Variants in TBRG1 observed in about 807,000 individuals in gnomAD.
The protein encoded by TBRG1 is nuclear interactor of ARF and MDM2.
A neutral mutation model predicts 44.0 loss-of-function variants in TBRG1; 31 were observed. The ratio of observed to expected loss-of-function variants is 0.70; its 90% CI spans 0.53 to 0.95. The LOEUF is 0.95. Ranked by LOEUF, TBRG1 falls within the 40% of genes least tolerant of loss-of-function variation. The pLI is 0.00. For missense variants in TBRG1, 487 were observed against 496.1 expected (o/e 0.98, Z 0.18); for synonymous variants, 171 against 188.1 (o/e 0.91, Z 0.74).
intron 3 of TBRG1, 62 bp downstream of exon 3, chr11:124,625,965 G>T: frequency 6.8e-7 from 1 of 1,468,950 alleles, no homozygotes; most frequent in East Asian, 2.4e-5. Context: ...AGTTAGACCT[G>T]GTACTAACTG....
chr11:124,627,855 G>A (rs988930780), intron 5 of TBRG1, among the ~76,000 whole-genome samples: 8 of 151,798 alleles, frequency 5.3e-5, no homozygotes, highest in African/African-American at 1.9e-4. Context: ...TAAATGCAAT[G>A]CAAATCTAAT....
Position 124,622,876 on chromosome 11 carries a change from G to A in TBRG1, c.-208G>A, listed in dbSNP as rs1021725016. 8.2e-5 allele frequency: 46 copies of A among 557,870 alleles called. No individual in the cohort carries two copies. The highest frequency in any genetic ancestry group is 9.3e-4 in the Middle Eastern group (2 of 2,144). The allele number at this position is 557,870 out of a possible 1,614,324, so 34.6% of individuals were successfully genotyped here. A position where few individuals can be genotyped will look rare whatever the true frequency, so the allele number is the denominator to read the frequency against. On this transcript the variant is annotated 5_prime_UTR_variant, in exon 1 of 9. Transcript: ENST00000441174. ...CCGGGAAGGGCTTACTTCCAAGACAGACACGGAAGTGCTGGGAGGCGCCGG... is the reference window on the plus strand; with the variant it reads ...CCGGGAAGGGCTTACTTCCAAGACAAACACGGAAGTGCTGGGAGGCGCCGG...
intron 5 of TBRG1, among the ~76,000 whole-genome samples, chr11:124,627,715 A>G (rs1354091890): frequency 6.6e-6 from 1 of 152,112 alleles, no homozygotes; most frequent in African/African-American, 2.4e-5. Flanking sequence ...GACTTCTTAT[A>G]GATAATATTG....
At position 124,623,059 on chromosome 11, in the gene TBRG1, G is replaced by C. The variant is rs1177140047; in HGVS notation, c.-25G>C. 1 of 1,524,484 alleles carries C rather than the reference G, an allele frequency of 6.6e-7. No individual in the cohort carries two copies. The highest frequency in any genetic ancestry group is 1.4e-5 in the African/African-American group (1 of 72,158). 94.4% of individuals were successfully genotyped at this position (1,524,484 alleles called of 1,614,324 possible). Reference sequence around the variant, plus strand: ...TAGGATCCGATGCCGGCAGCGTCCTGGGGCCCCCGTAGCGGGGCTGGACCA... The same window carrying C: ...TAGGATCCGATGCCGGCAGCGTCCTCGGGCCCCCGTAGCGGGGCTGGACCA... On this transcript the variant is annotated 5_prime_UTR_variant, in exon 1 of 9. Coordinates refer to ENST00000441174, the MANE Select transcript of TBRG1 (RefSeq NM_032811.3).
At chr11:124,630,986 A>G in intron 7 of TBRG1, 131 bp downstream of exon 7, 1 of 727,776 alleles carries the variant, frequency 1.4e-6, no homozygotes, top group Non-Finnish European at 2.3e-6. Flanking sequence ...AGGGCTCAGT[A>G]TTGGCCCCCT....
Position 124,623,229 on chromosome 11 carries a change from T to C in TBRG1, c.146T>C (p.Val49Ala). 6.4e-7 allele frequency: 1 copy of C among 1,551,458 alleles called. No individual in the cohort carries two copies. The highest frequency in any genetic ancestry group is 8.7e-7 in the Non-Finnish European group (1 of 1,147,006). The change falls in exon 1 of 9, where the codon GTG (valine) becomes GCG (alanine). Residue 49 changes from valine (V) to alanine (A), a missense_variant. Transcript: ENST00000441174. ...LRLRKAAKAT[V>A]FENAAICDEI... Reference sequence around the variant, plus strand: ...CTGCGCAAAGCGGCCAAGGCCACGGTGTTTGTGAGTCTGACCCACGTTCAG... The same window carrying C: ...CTGCGCAAAGCGGCCAAGGCCACGGCGTTTGTGAGTCTGACCCACGTTCAG...
chr11:124,623,558 A>G, intron 1 of TBRG1: 1 of 396,100 alleles, frequency 2.5e-6, no homozygotes, highest in Non-Finnish European at 4.8e-6. Flanking sequence ...CTCGAGATAC[A>G]GCCCTGAGAA....
rs1000719933 is a variant in TBRG1, at chr11:124,632,927, C to G, written c.*689C>G. 2.0e-5 allele frequency: 3 copies of G among 152,194 alleles called. No homozygotes were observed. The highest frequency in any genetic ancestry group is 4.4e-5 in the Non-Finnish European group (3 of 68,022). The allele number at this position is 152,194 out of a possible 1,614,324, so 9.4% of individuals were successfully genotyped here. On this transcript the variant is annotated 3_prime_UTR_variant, in exon 9 of 9. Transcript: ENST00000441174. ...AACGAGGGAGATAGGGAGATTCTGA[C>G]AAACTTCTACTCTTGATTGTGATCC...
rs1942717193 is a variant in TBRG1 at position 124,635,720 on chromosome 11, C to T, written c.*3482C>T. 6.6e-6 allele frequency: 1 copy of T among 152,148 alleles called. No homozygotes were observed. The highest frequency in any genetic ancestry group is 2.4e-5 in the African/African-American group (1 of 41,412). 9.4% of individuals were successfully genotyped at this position (152,148 alleles called of 1,614,324 possible). On this transcript the variant is annotated 3_prime_UTR_variant, in exon 9 of 9. Coordinates refer to ENST00000441174, the MANE Select transcript of TBRG1 (RefSeq NM_032811.3). ...TTTCACATTAAGGGGAGGAAAGCTA[C>T]CCATAGATAGTATTCTTACTCCTTT...
chr11:124,623,101 C>T lies in TBRG1; in HGVS notation c.18C>T (p.Gly6=), dbSNP rs1381310147. The change falls in exon 1 of 9, where the codon GGC becomes GGT. Residue 6 remains glycine, a synonymous_variant. Transcript: ENST00000441174. ...GCTGGACCATGAGCCTGCTGGACGG[C>T]CTCGCTTCCTCGCCGCGGGCTCCGC... is the stretch of plus-strand genomic sequence containing the variant. MSLLD[G]LASSPRAPLQ... The T allele has an allele frequency of 6.5e-7, 1 of 1,550,102 alleles. No homozygotes were observed. The highest frequency in any genetic ancestry group is 8.7e-7 in the Non-Finnish European group (1 of 1,146,592).
In TBRG1 at chr11:124,634,315, A is replaced by G. The variant is rs912548605; in HGVS notation, c.*2077A>G. On this transcript the variant is annotated 3_prime_UTR_variant, in exon 9 of 9. Coordinates refer to ENST00000441174, the MANE Select transcript of TBRG1 (RefSeq NM_032811.3). Reference sequence around the variant, plus strand: ...GCGCCACTGCACTCCAGCCTGGGCAACAGAGCAAAACTCCAACTCAAAAAC... The same window carrying G: ...GCGCCACTGCACTCCAGCCTGGGCAGCAGAGCAAAACTCCAACTCAAAAAC... 1.3e-5 allele frequency: 2 copies of G among 152,386 alleles called. No individual in the cohort carries two copies. The highest frequency in any genetic ancestry group is 3.9e-4 in the East Asian group (2 of 5,190). 9.4% of individuals were successfully genotyped at this position (152,386 alleles called of 1,614,324 possible). A position where few individuals can be genotyped will look rare whatever the true frequency, so the allele number is the denominator to read the frequency against.
intron 5 of TBRG1, among the ~76,000 whole-genome samples, chr11:124,627,451 C>T (rs761192271): frequency 6.6e-6 from 1 of 152,208 alleles, no homozygotes; most frequent in Non-Finnish European, 1.5e-5. Context: ...TGCAAATACT[C>T]TTAAGGACCT....
At position 124,630,850 on chromosome 11, in the gene TBRG1, C is replaced by T; in HGVS notation, c.942C>T (p.Cys314=). 1 of 1,581,310 alleles carries T rather than the reference C, an allele frequency of 6.3e-7. No homozygotes were observed. The highest frequency in any genetic ancestry group is 8.6e-7 in the Non-Finnish European group (1 of 1,159,118). The change falls in exon 7 of 9, where the codon TGC becomes TGT. Residue 314 remains cysteine (C), a synonymous_variant. Coordinates refer to ENST00000441174, the MANE Select transcript of TBRG1 (RefSeq NM_032811.3). The stretch of plus-strand genomic sequence containing the variant: ...AGAGCTGTCCAGGAGCTCGAAAATG[C>T]ATCAAGTAAGTGTGATCAAATTCAT... The part of the protein sequence containing the change: ...LIQSCPGARK[C]INYQWVKFDV...
At chr11:124,623,659 A>G (rs945922137) in intron 1 of TBRG1, among the ~76,000 whole-genome samples, 2 of 152,200 alleles carry the variant, frequency 1.3e-5, no homozygotes. Flanking sequence ...CAACTTAGAT[A>G]AACCTGATTC....
In TBRG1 at chr11:124,635,722, CATAG is replaced by C. The variant is rs1217376906; in HGVS notation, c.*3489_*3492del. On this transcript the variant is annotated 3_prime_UTR_variant, in exon 9 of 9. Transcript: ENST00000441174. ...TCACATTAAGGGGAGGAAAGCTACC[CATAG>C]ATAGTATTCTTACTCCTTTTCACAT... 2.0e-5 allele frequency: 3 copies of C among 152,146 alleles called. No homozygotes were observed. Among genetic ancestry groups the C allele is most frequent in the Non-Finnish European group, 4.4e-5 (3 of 68,026 alleles). The allele number at this position is 152,146 out of a possible 1,614,324, so 9.4% of individuals were successfully genotyped here. A position where few individuals can be genotyped will look rare whatever the true frequency, so the allele number is the denominator to read the frequency against.
chr11:124,627,073 CTGTT>C (rs772004230), intron 5 of TBRG1, 23 bp downstream of exon 5: 19 of 1,452,488 alleles, frequency 1.3e-5, no homozygotes, highest in Non-Finnish European at 1.8e-5. Flanking sequence ...ATAATAACCA[CTGTT>C]TGTCTTTAGA....
chr11:124,623,179 G>T lies in TBRG1; in HGVS notation c.96G>T (p.Glu32Asp), dbSNP rs1417489862. The T allele has an allele frequency of 9.0e-6, 14 of 1,551,598 alleles. No individual in the cohort carries two copies. Among genetic ancestry groups the T allele is most frequent in the Admixed American group, 2.0e-5 (1 of 50,992 alleles). Residue 32 changes from glutamate to aspartate, a missense_variant, in exon 1 of 9, where the codon GAG (glutamate) becomes GAT (aspartate). By Grantham distance (45) the Glu-to-Asp change is conservative (BLOSUM62 2). Coordinates refer to ENST00000441174, the MANE Select transcript of TBRG1 (RefSeq NM_032811.3). ...AGCTCCCGAAGAAGAGCCAGAATGA[G>T]AAGTACCGGCTGAAGTACCTGCGGC... ...MKKLPKKSQN[E>D]KYRLKYLRLR...
Position 124,631,275 on chromosome 11 carries a change from T to C in TBRG1, c.948T>C (p.Asn316=). Residue 316 remains asparagine, a splice_region_variant and synonymous_variant, in exon 8 of 9, where the codon AAT becomes AAC. Coordinates refer to ENST00000441174, the MANE Select transcript of TBRG1 (RefSeq NM_032811.3). The part of the protein sequence containing the change: ...QSCPGARKCI[N]YQWVKFDVCK... Reference sequence around the variant, plus strand: ...AGGGTGATTTCCCTTGATTCTGCAGTTACCAGTGGGTGAAATTTGATGTGT... The same window carrying C: ...AGGGTGATTTCCCTTGATTCTGCAGCTACCAGTGGGTGAAATTTGATGTGT... The C allele has an allele frequency of 6.3e-7, 1 of 1,575,316 alleles. No individual in the cohort carries two copies. The highest frequency in any genetic ancestry group is 8.6e-7 in the Non-Finnish European group (1 of 1,161,884).
Position 124,626,895 on chromosome 11 carries a change from T to G in TBRG1, c.592-9T>G. The G allele has an allele frequency of 6.2e-7, 1 of 1,603,012 alleles. No homozygotes were observed. ...CCTCAATCCCAGGTTGGGGGAATGT[T>G]TTTTATAGATCATCACCGACCGACC... is the stretch of plus-strand genomic sequence containing the variant. On this transcript the variant is annotated splice_polypyrimidine_tract_variant and intron_variant, in intron 4 of 8. Coordinates refer to ENST00000441174, the MANE Select transcript of TBRG1 (RefSeq NM_032811.3).
Sources: allele counts gnomAD v4.1 joint callset (sites outside exome capture counted in the v4.1 genomes callset), GRCh38; gene constraint gnomAD v4.1.1; transcripts MANE v1.5; gene names NCBI Gene and HGNC (gene_info 2026-07-23, HGNC 2026-07-21).